The following SYN3 variants were observed in gnomAD, a reference collection of about 807,000 sequenced individuals.
SYN3 encodes the protein synapsin III.
SYN3 carries 35 observed loss-of-function variants against 65.8 expected under a neutral mutation model. That is an observed-to-expected ratio of 0.53 (90% CI 0.41 to 0.70). The LOEUF (loss-of-function observed/expected upper bound fraction) is 0.70. SYN3 is among the 30% of genes least tolerant of loss of function. The pLI is 0.00. For missense variants in SYN3, 680 were observed against 749.0 expected (o/e 0.91, Z 1.08); for synonymous variants, 270 against 292.9 (o/e 0.92, Z 0.80).
intron 6 of SYN3, among the ~76,000 whole-genome samples, chr22:32,741,866 G>T (rs1356357981): frequency 1.3e-5 from 2 of 152,050 alleles, no homozygotes; most frequent in Non-Finnish European, 2.9e-5. Context: ...CCAAGCCAAA[G>T]GGTTCCAAAC....
chr22:32,826,525 C>T (rs181596806), intron 6 of SYN3, among the ~76,000 whole-genome samples: 4 of 152,208 alleles, frequency 2.6e-5, no homozygotes, highest in Non-Finnish European at 4.4e-5. Flanking sequence ...AACCTCGGTC[C>T]TATTTTGTTA....
chr22:32,563,223 C>A (rs1014227464), intron 7 of SYN3, among the ~76,000 whole-genome samples: 1 of 152,218 alleles, frequency 6.6e-6, no homozygotes, highest in Non-Finnish European at 1.5e-5. Context: ...CAGGCAGGGC[C>A]TGGCATGTAG....
chr22:32,891,607 G>A (rs1341983660), intron 4 of SYN3, among the ~76,000 whole-genome samples: 1 of 152,212 alleles, frequency 6.6e-6, no homozygotes, highest in African/African-American at 2.4e-5. Flanking sequence ...TCCTGGACCA[G>A]CCATTCCTGC....
intron 3 of SYN3, among the ~76,000 whole-genome samples, chr22:32,978,019 T>G (rs2052258644): frequency 6.6e-6 from 1 of 152,130 alleles, no homozygotes; most frequent in Non-Finnish European, 1.5e-5. Context: ...CTGATTTAAA[T>G]CTGGAAAGAC....
At chr22:32,714,854 T>G (rs2061014579) in intron 6 of SYN3, among the ~76,000 whole-genome samples, 1 of 152,190 alleles carries the variant, frequency 6.6e-6, no homozygotes. Context: ...GGGAATTACA[T>G]GAGGCCAGGT....
intron 1 of SYN3, among the ~76,000 whole-genome samples, chr22:33,055,149 C>T (rs754633070): frequency 8.5e-5 from 13 of 152,198 alleles, no homozygotes; most frequent in Non-Finnish European, 1.8e-4. Context: ...TACTAAGCAC[C>T]TTTCTTCAAG....
At chr22:33,050,599 TG>T (rs1405611393) in intron 1 of SYN3, among the ~76,000 whole-genome samples, 1 of 151,004 alleles carries the variant, frequency 6.6e-6, no homozygotes, top group African/African-American at 2.4e-5. Flanking sequence ...AGACAGTGAG[TG>T]GATAAGCTAC....
At chr22:32,854,095 A>C (rs1601546623) in intron 6 of SYN3, among the ~76,000 whole-genome samples, 1 of 152,234 alleles carries the variant, frequency 6.6e-6, no homozygotes, top group East Asian at 1.9e-4. Context: ...CCAATTCTAG[A>C]TCTCTATGAT....
At chr22:32,980,383 C>T (rs1466944810) in intron 3 of SYN3, among the ~76,000 whole-genome samples, 1 of 152,198 alleles carries the variant, frequency 6.6e-6, no homozygotes, top group Non-Finnish European at 1.5e-5. Context: ...ATCAGAGCAG[C>T]TCTACGTGTC....
intron 4 of SYN3, among the ~76,000 whole-genome samples, chr22:32,892,101 T>C (rs1233259018): frequency 6.6e-6 from 1 of 151,970 alleles, no homozygotes; most frequent in Non-Finnish European, 1.5e-5. Flanking sequence ...AAAACCAGCC[T>C]GGCCAGAATG....
In SYN3 at chr22:32,536,469, A is replaced by G. The variant is rs1184745580; in HGVS notation, c.992+1567T>C. 3.3e-5 allele frequency among the ~76,000 whole-genome samples: 5 copies of G among 152,326 alleles called. No homozygotes were observed. In the East Asian group the frequency reaches 9.7e-4, roughly 29 times the overall value. On this transcript the variant is annotated intron_variant, in intron 9 of 13. Transcript: ENST00000358763. ...CGTTTTGCAGTTGAAGAAGCTCAGA[A>G]AGCATGAGCATGCCTAAGGTCACAC...
chr22:32,630,664 C>A (rs149831109), intron 6 of SYN3, among the ~76,000 whole-genome samples: 1 of 152,182 alleles, frequency 6.6e-6, no homozygotes, highest in African/African-American at 2.4e-5. Flanking sequence ...TGTTTATATA[C>A]GTGCACAGCT....
chr22:33,035,055 G>A (rs904581190), intron 1 of SYN3, among the ~76,000 whole-genome samples: 24 of 152,218 alleles, frequency 1.6e-4, no homozygotes, highest in Middle Eastern at 3.4e-3. Flanking sequence ...ATGGGGACAC[G>A]TTCCCCATTT....
At chr22:32,838,241 G>C (rs130302) in intron 6 of SYN3, among the ~76,000 whole-genome samples, 145,476 of 152,310 alleles carry the variant, frequency 0.96, 69,530 homozygotes, top group African/African-American at 0.99. Context: ...AATTTCAAGT[G>C]GACTTGAGGA....
intron 6 of SYN3, chr22:32,858,189 C>G: frequency 6.2e-7 from 1 of 1,606,036 alleles, no homozygotes; most frequent in Non-Finnish European, 8.5e-7. Flanking sequence ...ACTTGCAGCC[C>G]TAGAAACATC....
At chr22:32,721,173 C>T (rs1325975389) in intron 6 of SYN3, among the ~76,000 whole-genome samples, 2 of 152,192 alleles carry the variant, frequency 1.3e-5, no homozygotes, top group East Asian at 1.9e-4. Flanking sequence ...CCAGCACATT[C>T]CTTCGGCTCC....
intron 6 of SYN3, among the ~76,000 whole-genome samples, chr22:32,812,396 C>G (rs2046939171): frequency 6.6e-6 from 1 of 152,192 alleles, no homozygotes; most frequent in Non-Finnish European, 1.5e-5. Context: ...GACCACCAAA[C>G]TTCTGTTGGA....
chr22:32,842,708 CTGTGGTTT>C (rs1029042648), intron 6 of SYN3, among the ~76,000 whole-genome samples: 10 of 152,126 alleles, frequency 6.6e-5, no homozygotes, highest in Non-Finnish European at 1.2e-4. Flanking sequence ...CTTAGGGAGC[CTGTGGTTT>C]TGTGGTTTCT....
chr22:32,778,995 C>T (rs8142064), intron 6 of SYN3, among the ~76,000 whole-genome samples: 20,877 of 152,176 alleles, frequency 0.14, 1,466 homozygotes, highest in Middle Eastern at 0.2. Context: ...GGGGTTAGAA[C>T]GATGGCTCAA....
Sources: allele counts gnomAD v4.1 joint callset (sites outside exome capture counted in the v4.1 genomes callset), GRCh38; gene constraint gnomAD v4.1.1; transcripts MANE v1.5; gene names NCBI Gene and HGNC (gene_info 2026-07-23, HGNC 2026-07-21).